RASGEF1C: variants seen among roughly 807,000 people sequenced by gnomAD.
RASGEF1C encodes ras-GEF domain-containing family member 1C.
A neutral mutation model predicts 58.1 loss-of-function variants in RASGEF1C; 27 were observed. That is an observed-to-expected ratio of 0.46 (90% confidence interval 0.34 to 0.64). RASGEF1C has a LOEUF of 0.64. Among genes scored for constraint, RASGEF1C ranks in the 30% least tolerant of loss-of-function variants. The pLI, the probability that RASGEF1C is intolerant of heterozygous loss-of-function variation, is 0.01. For missense variants in RASGEF1C, 502 were observed against 605.1 expected, an observed-to-expected ratio of 0.83 and a Z score of 1.79; for synonymous variants, 243 against 246.3, an observed-to-expected ratio of 0.99 and a Z score of 0.13.
chr5:180,131,699 C>T (rs1426123617), intron 4 of RASGEF1C, among the ~76,000 whole-genome samples: 2 of 152,240 alleles, frequency 1.3e-5, no homozygotes, highest in African/African-American at 4.8e-5. Context: ...CAGTCAGACG[C>T]TCTCTCCAGC....
intron 1 of RASGEF1C, among the ~76,000 whole-genome samples, chr5:180,208,127 A>G (rs1474860364): frequency 6.6e-6 from 1 of 152,032 alleles, no homozygotes; most frequent in Non-Finnish European, 1.5e-5. Flanking sequence ...TGTTGGAGCC[A>G]GTCTTACCAG....
chr5:180,146,189 C>CTGGA (rs1217794405), intron 1 of RASGEF1C, among the ~76,000 whole-genome samples: 3 of 152,192 alleles, frequency 2.0e-5, no homozygotes, highest in Non-Finnish European at 2.9e-5. Context: ...GTCACCCAGG[C>CTGGA]TGGAGTGCAG....
In RASGEF1C at chr5:180,137,127, A is replaced by C. The variant is rs1285412406; in HGVS notation, c.300+463T>G. On this transcript the variant is annotated intron_variant, in intron 3 of 13. Coordinates refer to ENST00000361132, the MANE Select transcript of RASGEF1C (RefSeq NM_175062.4). The surrounding 1 kb of genome is among the most constrained non-coding windows in gnomAD (Gnocchi z 4.1). ...GAGGCCCGAGCCAGCGGTCCCTGAGATAGGGCAGGTACACGGGCCAGCTAA... is the reference window on the plus strand; with the variant it reads ...GAGGCCCGAGCCAGCGGTCCCTGAGCTAGGGCAGGTACACGGGCCAGCTAA... Among the ~76,000 whole-genome samples the C allele has an allele frequency of 6.6e-6, 1 of 152,118 alleles. No homozygotes were observed. The highest frequency in any genetic ancestry group is 2.4e-5 in the African/African-American group (1 of 41,416).
intron 10 of RASGEF1C, among the ~76,000 whole-genome samples, chr5:180,116,257 C>T (rs975947196): frequency 5.9e-5 from 9 of 152,144 alleles, no homozygotes; most frequent in Non-Finnish European, 1.0e-4. Context: ...TAATTACAGC[C>T]CCGGTCAGCT....
intron 1 of RASGEF1C, among the ~76,000 whole-genome samples, chr5:180,173,283 T>A (rs540368737): frequency 7.2e-5 from 11 of 151,932 alleles, no homozygotes; most frequent in Non-Finnish European, 1.6e-4. Context: ...AACCAAGGGC[T>A]GCCCCTCGAC....
At chr5:180,181,590 G>A (rs558861572) in intron 1 of RASGEF1C, among the ~76,000 whole-genome samples, 44 of 152,310 alleles carry the variant, frequency 2.9e-4, no homozygotes, top group East Asian at 1.5e-3. Flanking sequence ...GGAGTGATGC[G>A]GCTTCAAGCC....
At chr5:180,159,991 C>G (rs904357385) in intron 1 of RASGEF1C, among the ~76,000 whole-genome samples, 1 of 152,182 alleles carries the variant, frequency 6.6e-6, no homozygotes, top group Admixed American at 6.5e-5. Context: ...TAGCTGCACT[C>G]GAAGTTAGCC....
At chr5:180,187,190 G>A (rs1756059042) in intron 1 of RASGEF1C, among the ~76,000 whole-genome samples, 1 of 152,138 alleles carries the variant, frequency 6.6e-6, no homozygotes, top group Admixed American at 6.6e-5. Context: ...CAGTCTCTAT[G>A]TTGCTGGGAC....
chr5:180,118,154 A>C (rs535203648), intron 10 of RASGEF1C, among the ~76,000 whole-genome samples: 40 of 152,308 alleles, frequency 2.6e-4, no homozygotes, highest in African/African-American at 8.4e-4. Flanking sequence ...TGTACCTGGC[A>C]CCTCAATTTT....
At chr5:180,111,325 C>T (rs1561730117) in intron 12 of RASGEF1C, 132 bp downstream of exon 12, 6 of 1,217,936 alleles carry the variant, frequency 4.9e-6, no homozygotes, top group Non-Finnish European at 7.0e-6. Context: ...CCTCCTTGTT[C>T]CCTCCCGGAG....
At chr5:180,113,304 C>T (rs1160015362) in intron 11 of RASGEF1C, among the ~76,000 whole-genome samples, 15 of 45,912 alleles carry the variant, frequency 3.3e-4, no homozygotes, top group East Asian at 1.7e-3. Flanking sequence ...GACGGAGGGA[C>T]CGGGGATGGA....
At chr5:180,170,242 G>A (rs1157163009) in intron 1 of RASGEF1C, among the ~76,000 whole-genome samples, 1 of 152,224 alleles carries the variant, frequency 6.6e-6, no homozygotes, top group Admixed American at 6.5e-5. Flanking sequence ...GGGAGGGGCC[G>A]AGAGCTCAGG....
chr5:180,121,904 C>T (rs1191831095), intron 6 of RASGEF1C, among the ~76,000 whole-genome samples: 1 of 152,170 alleles, frequency 6.6e-6, no homozygotes, highest in East Asian at 1.9e-4. Context: ...ATGTCCTTTG[C>T]ATTTTCATGC....
At chr5:180,169,807 C>T (rs540330918) in intron 1 of RASGEF1C, among the ~76,000 whole-genome samples, 2 of 45,438 alleles carry the variant, frequency 4.4e-5, no homozygotes, top group South Asian at 1.3e-3. Context: ...CATGGGGCTC[C>T]AAGCCCGCCT....
rs778397664 is a variant in RASGEF1C at position 180,119,335 on chromosome 5, G to A, written c.907+11C>T. 8.6e-5 allele frequency: 139 copies of A among 1,608,004 alleles called. 1 individual carries two copies. The Middle Eastern group carries it at 2.5e-3, about 29-fold the overall frequency. ...TGCACTGGGGGCCACAGGCCAGGCC[G>A]GCCCACTCACAGATGATGGCCATGA... On this transcript the variant is annotated intron_variant, in intron 8 of 13. Coordinates refer to ENST00000361132, the MANE Select transcript of RASGEF1C (RefSeq NM_175062.4).
At chr5:180,193,072 T>C (rs535136346) in intron 1 of RASGEF1C, among the ~76,000 whole-genome samples, 43 of 145,432 alleles carry the variant, frequency 3.0e-4, no homozygotes, top group African/African-American at 1.1e-3. Flanking sequence ...GTTTTGTTTT[T>C]TGAGACGGTG....
intron 1 of RASGEF1C, among the ~76,000 whole-genome samples, chr5:180,190,751 T>G (rs78314756): frequency 3.9e-5 from 6 of 151,900 alleles, no homozygotes; most frequent in African/African-American, 1.5e-4. Context: ...GAATAAAATG[T>G]AGGAGAAAAT....
At chr5:180,203,797 C>T (rs960258002) in intron 1 of RASGEF1C, among the ~76,000 whole-genome samples, 3 of 152,114 alleles carry the variant, frequency 2.0e-5, no homozygotes, top group Non-Finnish European at 4.4e-5. Context: ...GAGTTCGAGA[C>T]CAGCCTGGCC....
rs1009273262 is a variant in RASGEF1C at position 180,156,352 on chromosome 5, G to A, written c.-6-18294C>T. On this transcript the variant is annotated intron_variant, in intron 1 of 13. Transcript: ENST00000361132. The surrounding 1 kb of genome is among the most constrained non-coding windows in gnomAD (Gnocchi z 4.9). ...CTCTGGGAGCTGACAAGGCCCCTCC[G>A]GGGGAAGTCGTGAGCAGGGTTGAAA... Among the ~76,000 whole-genome samples the A allele has an allele frequency of 1.4e-4, 21 of 152,186 alleles. No homozygotes were observed. Among genetic ancestry groups the A allele is most frequent in the African/African-American group, 4.8e-4 (20 of 41,446 alleles).
Sources: allele counts gnomAD v4.1 joint callset (sites outside exome capture counted in the v4.1 genomes callset), GRCh38; gene constraint gnomAD v4.1.1; non-coding constraint Gnocchi (gnomAD v3.1); transcripts MANE v1.5; gene names NCBI Gene and HGNC (gene_info 2026-07-23, HGNC 2026-07-21).